SLC12A2: variants seen among roughly 807,000 people sequenced by gnomAD.
SLC12A2 encodes solute carrier family 12 member 2.
Under a neutral mutation model 136.3 loss-of-function variants are expected in SLC12A2, and 67 were observed. That is an observed-to-expected ratio of 0.49 (90% CI 0.40 to 0.60). The LOEUF (loss-of-function observed/expected upper bound fraction) is 0.60. Ranked by LOEUF, SLC12A2 falls within the 20% of genes least tolerant of loss-of-function variation. SLC12A2 has a pLI of 0.00. For synonymous variants in SLC12A2, 619 were observed against 562.9 expected, an observed-to-expected ratio of 1.10 and a Z score of -1.41; for missense variants, 1,322 against 1,534.7, an observed-to-expected ratio of 0.86 and a Z score of 2.32.
At chr5:128,093,403 C>T (rs970452231) in intron 1 of SLC12A2, among the ~76,000 whole-genome samples, 3 of 152,116 alleles carry the variant, frequency 2.0e-5, no homozygotes, top group African/African-American at 7.2e-5. Flanking sequence ...TCGTCTTCTA[C>T]CCACACTCCT....
chr5:128,154,072 A>C (rs1242454932), intron 15 of SLC12A2, among the ~76,000 whole-genome samples: 14 of 149,704 alleles, frequency 9.4e-5, no homozygotes, highest in South Asian at 2.1e-4. Flanking sequence ...AAAAAACAAA[A>C]AAAAAAAACC....
rs1760024313 is a variant in SLC12A2, at chr5:128,084,813, C to T, written c.756+103C>T. The T allele has an allele frequency of 2.4e-6, 3 of 1,260,902 alleles. No homozygotes were observed. The highest frequency in any genetic ancestry group is 1.5e-5 in the African/African-American group (1 of 66,218). 78.1% of individuals were successfully genotyped at this position (1,260,902 alleles called of 1,614,324 possible). A position where few individuals can be genotyped will look rare whatever the true frequency, so the allele number is the denominator to read the frequency against. On this transcript the variant is annotated intron_variant, in intron 1 of 26. Coordinates refer to ENST00000262461, the MANE Select transcript of SLC12A2 (RefSeq NM_001046.3). The surrounding 1 kb of genome is among the most constrained non-coding windows in gnomAD (Gnocchi z 5.6). ...GAGTTGAGGTGGCGGGAGTAGTAGACGTGCACGACTTGCTGGCATCTCTGG... is the reference window on the plus strand; with the variant it reads ...GAGTTGAGGTGGCGGGAGTAGTAGATGTGCACGACTTGCTGGCATCTCTGG...
chr5:128,101,424 C>T (rs1167895321), intron 1 of SLC12A2, among the ~76,000 whole-genome samples: 2 of 152,090 alleles, frequency 1.3e-5, no homozygotes, highest in Admixed American at 6.5e-5. Flanking sequence ...TGATCTTTAA[C>T]GTATCTTTAA....
chr5:128,148,921 ATTAG>A (rs756784768), intron 12 of SLC12A2, 44 bp downstream of exon 12: 42 of 1,482,500 alleles, frequency 2.8e-5, no homozygotes, highest in Admixed American at 1.1e-4. Context: ...TTTGGTGCAT[ATTAG>A]TTCTAGACGT....
At chr5:128,177,847 GT>G (rs773349216) in intron 21 of SLC12A2, among the ~76,000 whole-genome samples, 4 of 151,990 alleles carry the variant, frequency 2.6e-5, no homozygotes, top group Admixed American at 1.3e-4. Flanking sequence ...GCTGTTTTTT[GT>G]TTTGTTTTAA....
chr5:128,110,657 G>T, intron 1 of SLC12A2: 1 of 1,226,550 alleles, frequency 8.2e-7, no homozygotes, highest in South Asian at 1.2e-5. Context: ...CTGAAGCCAA[G>T]ACTCCGTCTA....
chr5:128,101,461 G>T (rs1191222093), intron 1 of SLC12A2, among the ~76,000 whole-genome samples: 1 of 151,936 alleles, frequency 6.6e-6, no homozygotes, highest in South Asian at 2.1e-4. Context: ...AAGTTTGTAG[G>T]GTGTAAATAA....
At chr5:128,110,781 G>C in intron 1 of SLC12A2, 1 of 1,470,816 alleles carries the variant, frequency 6.8e-7, no homozygotes, top group Non-Finnish European at 9.5e-7. Flanking sequence ...ACAATGAAGA[G>C]GCCAAAAAGA....
chr5:128,165,924 C>G (rs1289612409), intron 17 of SLC12A2, among the ~76,000 whole-genome samples: 5 of 142,876 alleles, frequency 3.5e-5, no homozygotes, highest in Admixed American at 7.0e-5. Context: ...TACCTCCCCC[C>G]CCCCCCCCCA....
intron 17 of SLC12A2, 98 bp from the exon 18 acceptor site, chr5:128,167,663 C>CTATA: frequency 1.3e-6 from 1 of 750,934 alleles, no homozygotes; most frequent in Non-Finnish European, 2.2e-6. Context: ...TTAAGAGTGT[C>CTATA]TATAGAAGCT....
chr5:128,176,319 A>G (rs544306680), intron 20 of SLC12A2, among the ~76,000 whole-genome samples: 64 of 152,170 alleles, frequency 4.2e-4, no homozygotes, highest in Middle Eastern at 3.4e-3. Flanking sequence ...TCCTGGGAAT[A>G]TAAATGTAGA....
At chr5:128,088,671 G>A (rs1360666798) in intron 1 of SLC12A2, among the ~76,000 whole-genome samples, 4 of 152,034 alleles carry the variant, frequency 2.6e-5, no homozygotes, top group Non-Finnish European at 4.4e-5. Context: ...TTGTCCTTGG[G>A]CCAAGGCTTA....
In SLC12A2 at chr5:128,182,953, T is replaced by C. The variant is rs748647437; in HGVS notation, c.3299+12T>C. Reference sequence around the variant, plus strand: ...CCAAAGAAAGAAAAGTAAGTTACTCTACAAATTTCTGATCCCTTTATAGAT... The same window carrying C: ...CCAAAGAAAGAAAAGTAAGTTACTCCACAAATTTCTGATCCCTTTATAGAT... On this transcript the variant is annotated intron_variant, in intron 24 of 26. Transcript: ENST00000262461. 2.6e-6 allele frequency: 4 copies of C among 1,545,042 alleles called. No homozygotes were observed. The highest frequency in any genetic ancestry group is 2.3e-5 in the East Asian group (1 of 44,412).
Position 128,138,742 on chromosome 5 carries a change from C to A in SLC12A2, c.1536+18C>A. 2 of 1,606,816 alleles carry A rather than the reference C, an allele frequency of 1.2e-6. No homozygotes were observed. The highest frequency in any genetic ancestry group is 1.7e-6 in the Non-Finnish European group (2 of 1,176,152). On this transcript the variant is annotated intron_variant, in intron 8 of 26. Coordinates refer to ENST00000262461, the MANE Select transcript of SLC12A2 (RefSeq NM_001046.3). ...ATCTTGCAGTAAGTATTATAAAGTG[C>A]TATATCAATTATATATTTTAAAAGT...
chr5:128,156,437 G>A (rs1421568779), intron 15 of SLC12A2, among the ~76,000 whole-genome samples: 1 of 152,168 alleles, frequency 6.6e-6, no homozygotes, highest in Non-Finnish European at 1.5e-5. Flanking sequence ...CTCTGCTGCT[G>A]TTACTCAAAG....
At chr5:128,151,955 A>G (rs1762716677) in intron 14 of SLC12A2, among the ~76,000 whole-genome samples, 1 of 152,130 alleles carries the variant, frequency 6.6e-6, no homozygotes, top group Non-Finnish European at 1.5e-5. Flanking sequence ...GATAACAGCT[A>G]AACGTATCTC....
chr5:128,104,368 G>A (rs555341985), intron 1 of SLC12A2, among the ~76,000 whole-genome samples: 3 of 152,166 alleles, frequency 2.0e-5, no homozygotes, highest in Admixed American at 6.5e-5. Context: ...GTGGTGGCTT[G>A]TACCTGTAAT....
chr5:128,104,693 A>G (rs1442660509), intron 1 of SLC12A2, among the ~76,000 whole-genome samples: 1 of 147,298 alleles, frequency 6.8e-6, no homozygotes, highest in Non-Finnish European at 1.5e-5. Flanking sequence ...AGATATAGAT[A>G]TATAATAGGT....
chr5:128,104,687 A>C (rs1020444733), intron 1 of SLC12A2, among the ~76,000 whole-genome samples: 10 of 150,734 alleles, frequency 6.6e-5, no homozygotes, highest in Non-Finnish European at 1.5e-4. Context: ...AGATATAGAT[A>C]TAGATATATA....
Sources: allele counts gnomAD v4.1 joint callset (sites outside exome capture counted in the v4.1 genomes callset), GRCh38; gene constraint gnomAD v4.1.1; non-coding constraint Gnocchi (gnomAD v3.1); transcripts MANE v1.5; gene names NCBI Gene and HGNC (gene_info 2026-07-23, HGNC 2026-07-21).